TUBB6: variants seen among roughly 807,000 people sequenced by gnomAD.
TUBB6 encodes tubulin beta 6 class V.
TUBB6 carries 18 observed loss-of-function variants against 32.3 expected under a neutral mutation model. The ratio of observed to expected loss-of-function variants is 0.56; its 90% CI spans 0.39 to 0.83. TUBB6 has a LOEUF of 0.83. TUBB6 is among the 40% of genes least tolerant of loss of function. The pLI, the probability that TUBB6 is intolerant of heterozygous loss-of-function variation, is 0.00. For synonymous variants in TUBB6, 280 were observed against 265.8 expected (o/e 1.05, Z -0.52); for missense variants, 480 against 632.0 (o/e 0.76, Z 2.58).
intron 3 of TUBB6, among the ~76,000 whole-genome samples, chr18:12,324,017 G>GT (rs1466444028): frequency 1.3e-5 from 2 of 152,202 alleles, no homozygotes; most frequent in Non-Finnish European, 2.9e-5. Flanking sequence ...TTTTGCAACA[G>GT]TAATTCTGGA....
At chr18:12,310,221 G>A (rs541307753) in intron 2 of TUBB6, among the ~76,000 whole-genome samples, 56 of 151,994 alleles carry the variant, frequency 3.7e-4, no homozygotes, top group African/African-American at 1.2e-3. Flanking sequence ...CAGGCACGGT[G>A]GCTCACCCCT....
intron 2 of TUBB6, 43 bp downstream of exon 2, chr18:12,308,838 G>A: frequency 7.4e-7 from 1 of 1,348,178 alleles, no homozygotes; most frequent in Non-Finnish European, 1.1e-6. Context: ...CGGGACCCGC[G>A]TGGACGCTCC....
chr18:12,308,812 C>T lies in TUBB6; in HGVS notation c.166+17C>T. On this transcript the variant is annotated intron_variant, in intron 2 of 3. Coordinates refer to ENST00000317702, the MANE Select transcript of TUBB6 (RefSeq NM_032525.3). The stretch of plus-strand genomic sequence containing the variant: ...AGTCATCGTGTGAGTAGCAAGGCCG[C>T]CGCGCCCTGCCCGGCCGGGACCCGC... 6.7e-7 allele frequency: 1 copy of T among 1,503,192 alleles called. No individual in the cohort carries two copies. The highest frequency in any genetic ancestry group is 9.3e-7 in the Non-Finnish European group (1 of 1,079,824). The allele number at this position is 1,503,192 out of a possible 1,614,324, so 93.1% of individuals were successfully genotyped here.
At chr18:12,318,908 C>T (rs1261822348) in intron 3 of TUBB6, among the ~76,000 whole-genome samples, 4 of 151,932 alleles carry the variant, frequency 2.6e-5, no homozygotes, top group Non-Finnish European at 5.9e-5. Context: ...GTGTGAGCTC[C>T]CATAGCTGGT....
intron 3 of TUBB6, among the ~76,000 whole-genome samples, chr18:12,314,862 G>C: frequency 6.6e-6 from 1 of 152,094 alleles, no homozygotes; most frequent in East Asian, 1.9e-4. Flanking sequence ...TCATAAAGGG[G>C]AATATATGCT....
intron 3 of TUBB6, among the ~76,000 whole-genome samples, chr18:12,324,016 A>T (rs964791317): frequency 6.6e-6 from 1 of 152,232 alleles, no homozygotes; most frequent in Non-Finnish European, 1.5e-5. Context: ...ATTTTGCAAC[A>T]GTAATTCTGG....
At chr18:12,324,805 C>T (rs1211869812) in intron 3 of TUBB6, 2 of 1,312,688 alleles carry the variant, frequency 1.5e-6, no homozygotes, top group Non-Finnish European at 1.9e-6. Flanking sequence ...CTACCATGTG[C>T]AAGAATTACC....
intron 3 of TUBB6, among the ~76,000 whole-genome samples, chr18:12,313,030 A>C (rs1227239298): frequency 7.0e-6 from 1 of 143,178 alleles, no homozygotes; most frequent in Non-Finnish European, 1.5e-5. Flanking sequence ...AAAGTTTTGG[A>C]TGTGTTCCTG....
intron 2 of TUBB6, among the ~76,000 whole-genome samples, chr18:12,309,615 G>A (rs1906247420): frequency 6.6e-6 from 1 of 152,140 alleles, no homozygotes; most frequent in Non-Finnish European, 1.5e-5. Flanking sequence ...TCAGGGCATG[G>A]AAGATGAAAT....
At chr18:12,309,155 A>C (rs368777881) in intron 2 of TUBB6, among the ~76,000 whole-genome samples, 10 of 152,114 alleles carry the variant, frequency 6.6e-5, no homozygotes, top group East Asian at 3.9e-4. Flanking sequence ...GTTCAGGACC[A>C]GCCTGGGCAG....
At position 12,308,779 on chromosome 18, in the gene TUBB6, C is replaced by T. The variant is rs1358914977; in HGVS notation, c.150C>T (p.Tyr50=). 1 of 1,608,872 alleles carries T rather than the reference C, an allele frequency of 6.2e-7. No individual in the cohort carries two copies. The highest frequency in any genetic ancestry group is 1.1e-5 in the South Asian group (1 of 91,018). The change falls in exon 2 of 4, where the codon TAC becomes TAT. Residue 50 remains tyrosine (Y), a synonymous_variant. Transcript: ENST00000317702. ...SALQLERINV[Y]YNESSSQKYV... Reference sequence around the variant, plus strand: ...TGCAGCTGGAGAGAATCAACGTCTACTACAATGAGTCATCGTGTGAGTAGC... The same window carrying T: ...TGCAGCTGGAGAGAATCAACGTCTATTACAATGAGTCATCGTGTGAGTAGC...
Position 12,326,022 on chromosome 18 carries a change from G to C in TUBB6, c.1233G>C (p.Ala411=), listed in dbSNP as rs367986182. The C allele has an allele frequency of 6.0e-5, 97 of 1,614,038 alleles. No individual in the cohort carries two copies. The highest frequency in any genetic ancestry group is 7.9e-5 in the Non-Finnish European group (93 of 1,180,054). ...TGGATGAAATGGAGTTCACCGAGGC[G>C]GAGAGCAACATGAACGACCTGGTAT... ...EGMDEMEFTE[A]ESNMNDLVSE... Residue 411 remains alanine, a synonymous_variant, in exon 4 of 4, where the codon GCG becomes GCC. Transcript: ENST00000317702.
intron 3 of TUBB6, chr18:12,324,773 T>C (rs1402468296): frequency 7.8e-6 from 10 of 1,278,120 alleles, no homozygotes; most frequent in Non-Finnish European, 9.8e-6. Flanking sequence ...TTTTAATGTA[T>C]ACCTTTTGTT....
chr18:12,313,784 C>A (rs1313064113), intron 3 of TUBB6, among the ~76,000 whole-genome samples: 1 of 152,300 alleles, frequency 6.6e-6, no homozygotes, highest in South Asian at 2.1e-4. Context: ...TCCAAGAGTT[C>A]CAGTTCAAGG....
chr18:12,329,284 T>A (rs1907435259), downstream of TUBB6: 4 of 697,648 alleles, frequency 5.7e-6, no homozygotes, highest in Non-Finnish European at 5.2e-6. Flanking sequence ...TGCCACAGGG[T>A]CCAGCCTCGG....
At chr18:12,311,097 T>G in intron 3 of TUBB6, 44 bp downstream of exon 3, 4 of 1,472,186 alleles carry the variant, frequency 2.7e-6, no homozygotes, top group Non-Finnish European at 3.7e-6. Flanking sequence ...TTTTATTTTT[T>G]TAAATCAAAT....
Position 12,308,791 on chromosome 18 carries a change from A to C in TUBB6, c.162A>C (p.Ser54=). The change falls in exon 2 of 4, where the codon TCA becomes TCC. Residue 54 remains serine (S), a synonymous_variant. Coordinates refer to ENST00000317702, the MANE Select transcript of TUBB6 (RefSeq NM_032525.3). ...GAATCAACGTCTACTACAATGAGTC[A>C]TCGTGTGAGTAGCAAGGCCGCCGCG... ...LERINVYYNE[S]SSQKYVPRAA... 1 of 1,598,336 alleles carries C rather than the reference A, an allele frequency of 6.3e-7. No individual in the cohort carries two copies. The highest frequency in any genetic ancestry group is 8.6e-7 in the Non-Finnish European group (1 of 1,166,058).
At chr18:12,315,965 T>G (rs1906652339) in intron 3 of TUBB6, among the ~76,000 whole-genome samples, 1 of 152,218 alleles carries the variant, frequency 6.6e-6, no homozygotes, top group Non-Finnish European at 1.5e-5. Flanking sequence ...ATATCAGTTG[T>G]CTCAAAGGTG....
chr18:12,311,611 A>C (rs945160603), intron 3 of TUBB6, among the ~76,000 whole-genome samples: 5 of 152,166 alleles, frequency 3.3e-5, no homozygotes, highest in African/African-American at 1.2e-4. Flanking sequence ...ATAGCAAAAA[A>C]CAAAAAAACA....
Sources: gnomAD v4.1 joint callset for allele counts (sites outside exome capture counted in the v4.1 genomes callset) on GRCh38, gnomAD v4.1.1 for gene constraint, MANE v1.5 for transcripts, NCBI Gene and HGNC (gene_info 2026-07-23, HGNC 2026-07-21) for gene names.